Variants in AK5 observed in about 807,000 individuals in gnomAD.
AK5 encodes adenylate kinase isoenzyme 5.
In AK5, 27 loss-of-function variants were observed where a neutral mutation model predicts 69.5. The ratio of observed to expected loss-of-function variants is 0.39; its 90% CI spans 0.29 to 0.54. The LOEUF (loss-of-function observed/expected upper bound fraction) is 0.54, where lower values mean the gene tolerates loss of function less well. AK5 is among the 20% of genes least tolerant of loss of function. The pLI, the probability that AK5 is intolerant of heterozygous loss-of-function variation, is 0.71. For synonymous variants in AK5, 260 were observed against 244.4 expected, an observed-to-expected ratio of 1.06 and a Z score of -0.60; for missense variants, 531 against 700.4, an observed-to-expected ratio of 0.76 and a Z score of 2.73.
At chr1:77,405,933 C>CTG (rs144922713) in intron 6 of AK5, among the ~76,000 whole-genome samples, 14,210 of 152,164 alleles carry the variant, frequency 0.093, 901 homozygotes, top group African/African-American at 0.17. Flanking sequence ...TGCCCACACA[C>CTG]TTAAAATGTT....
intron 6 of AK5, among the ~76,000 whole-genome samples, chr1:77,381,077 T>C (rs1193968128): frequency 3.3e-5 from 5 of 152,216 alleles, no homozygotes; most frequent in South Asian, 2.1e-4. Flanking sequence ...ATGCTATAGA[T>C]TGAATGTTTG....
chr1:77,508,289 A>G (rs1657134164), intron 10 of AK5, among the ~76,000 whole-genome samples: 1 of 152,152 alleles, frequency 6.6e-6, no homozygotes, highest in Non-Finnish European at 1.5e-5. Context: ...ATGTCTGTAC[A>G]CTTTCCCTGG....
chr1:77,551,070 G>A lies in AK5; in HGVS notation c.1621-7532G>A, dbSNP rs575600886. On this transcript the variant is annotated intron_variant, in intron 13 of 13. Coordinates refer to ENST00000354567, the MANE Select transcript of AK5 (RefSeq NM_174858.3). Reference sequence around the variant, plus strand: ...CACATGCCTGTAATTCCAGCTACTCGGGAGGCTGAGGCAGAAGAATTGCTT... The same window carrying A: ...CACATGCCTGTAATTCCAGCTACTCAGGAGGCTGAGGCAGAAGAATTGCTT... Among the ~76,000 whole-genome samples, 12 of 152,298 alleles carry A rather than the reference G, an allele frequency of 7.9e-5. No homozygotes were observed. In the South Asian group the frequency reaches 1.7e-3, roughly 21 times the overall value.
At chr1:77,513,837 G>T (rs1657488975) in intron 10 of AK5, among the ~76,000 whole-genome samples, 1 of 152,222 alleles carries the variant, frequency 6.6e-6, no homozygotes, top group African/African-American at 2.4e-5. Flanking sequence ...TCTCACAGGA[G>T]AGGATTGCTC....
chr1:77,409,227 C>A (rs899762914), intron 6 of AK5, among the ~76,000 whole-genome samples: 4 of 152,112 alleles, frequency 2.6e-5, no homozygotes, highest in Non-Finnish European at 4.4e-5. Flanking sequence ...TGAAGATTCA[C>A]GTGTATGTGT....
chr1:77,367,620 T>TTATATATATGTTA (rs1553139814), intron 6 of AK5, among the ~76,000 whole-genome samples: 9 of 69,972 alleles, frequency 1.3e-4, no homozygotes, highest in Admixed American at 1.9e-4. Context: ...AATATATATG[T>TTATATATATGTTA]TATATATGTA....
At chr1:77,423,220 AAAAAAAAAAAT>A (rs1650960320) in intron 8 of AK5, among the ~76,000 whole-genome samples, 2 of 5,908 alleles carry the variant, frequency 3.4e-4, no homozygotes, top group South Asian at 5.4e-3. Context: ...GACTCCGTCT[AAAAAAAAAAAT>A]AAAAAAAAAA....
At chr1:77,438,135 TA>T (rs1312467503) in intron 8 of AK5, among the ~76,000 whole-genome samples, 1 of 151,862 alleles carries the variant, frequency 6.6e-6, no homozygotes, top group Non-Finnish European at 1.5e-5. Context: ...AAATGCTCTT[TA>T]AAAAACTTGT....
intron 8 of AK5, among the ~76,000 whole-genome samples, chr1:77,465,277 A>C (rs1311626269): frequency 6.6e-6 from 1 of 152,210 alleles, no homozygotes; most frequent in African/African-American, 2.4e-5. Flanking sequence ...GTTCACTGCA[A>C]CATTCAGTAG....
intron 8 of AK5, among the ~76,000 whole-genome samples, chr1:77,443,853 T>C (rs1652494064): frequency 6.6e-6 from 1 of 151,932 alleles, no homozygotes; most frequent in Non-Finnish European, 1.5e-5. Context: ...TGTTAAGAGA[T>C]ACATCTATAT....
Position 77,518,736 on chromosome 1 carries a change from CA to C in AK5, c.1311+10del, listed in dbSNP as rs773859734. The C allele has an allele frequency of 1.2e-6, 2 of 1,613,476 alleles. No individual in the cohort carries two copies. The highest frequency in any genetic ancestry group is 1.7e-6 in the Non-Finnish European group (2 of 1,179,544). ...GAGACCTGGTGCCCTCAGTAAGCAACATGGCCTGACCCACATTACTGCCTTT... is the reference window on the plus strand; with the variant it reads ...GAGACCTGGTGCCCTCAGTAAGCAACTGGCCTGACCCACATTACTGCCTTT... On this transcript the variant is annotated intron_variant, in intron 11 of 13. Coordinates refer to ENST00000354567, the MANE Select transcript of AK5 (RefSeq NM_174858.3).
chr1:77,373,641 G>A (rs948483137), intron 6 of AK5, among the ~76,000 whole-genome samples: 6 of 151,882 alleles, frequency 4.0e-5, no homozygotes, highest in Non-Finnish European at 7.4e-5. Flanking sequence ...CAGAACAATC[G>A]CTTGAACCCG....
chr1:77,448,273 A>G (rs1311882569), intron 8 of AK5, among the ~76,000 whole-genome samples: 1 of 152,166 alleles, frequency 6.6e-6, no homozygotes, highest in Non-Finnish European at 1.5e-5. Context: ...AGGCCCATCC[A>G]TGGCTTCCCA....
chr1:77,515,271 G>C (rs985828399), intron 10 of AK5, among the ~76,000 whole-genome samples: 10 of 152,144 alleles, frequency 6.6e-5, no homozygotes, highest in Non-Finnish European at 1.5e-4. Flanking sequence ...ACCTTTCCTG[G>C]ATTTTCTGGC....
intron 8 of AK5, among the ~76,000 whole-genome samples, chr1:77,457,718 T>C (rs1179420625): frequency 2.6e-5 from 4 of 152,220 alleles, no homozygotes; most frequent in African/African-American, 9.6e-5. Context: ...CTTTCCTTTA[T>C]ATTTAAAAGT....
At chr1:77,509,900 G>GT (rs1374004129) in intron 10 of AK5, among the ~76,000 whole-genome samples, 2 of 152,190 alleles carry the variant, frequency 1.3e-5, no homozygotes, top group African/African-American at 4.8e-5. Context: ...TTTATTGTGT[G>GT]TTTCACTTTG....
At chr1:77,328,956 C>T (rs955310750) in intron 5 of AK5, among the ~76,000 whole-genome samples, 1 of 152,022 alleles carries the variant, frequency 6.6e-6, no homozygotes, top group South Asian at 2.1e-4. Context: ...ATCCCATGGC[C>T]GAAGGGTGGA....
chr1:77,402,828 G>T (rs2100551738), intron 6 of AK5, among the ~76,000 whole-genome samples: 1 of 152,238 alleles, frequency 6.6e-6, no homozygotes, highest in South Asian at 2.1e-4. Flanking sequence ...GGATGGCTGG[G>T]TCAAATGGTA....
chr1:77,494,278 G>C (rs1656168214), intron 10 of AK5, among the ~76,000 whole-genome samples: 1 of 152,202 alleles, frequency 6.6e-6, no homozygotes, highest in South Asian at 2.1e-4. Flanking sequence ...TCAAGGAAAT[G>C]GCCAATGTTC....
Sources: gnomAD v4.1 joint callset for allele counts (sites outside exome capture counted in the v4.1 genomes callset) on GRCh38, gnomAD v4.1.1 for gene constraint, MANE v1.5 for transcripts, NCBI Gene and HGNC (gene_info 2026-07-23, HGNC 2026-07-21) for gene names.